Variants in MACF1 observed in about 807,000 individuals in gnomAD.
The protein encoded by MACF1 is microtubule-actin cross-linking factor 1.
A neutral mutation model predicts 854.8 loss-of-function variants in MACF1; 193 were observed. The observed-to-expected ratio is 0.23, with a 90% CI of 0.20 to 0.25. MACF1 has a LOEUF of 0.25. MACF1 is among the 10% of genes least tolerant of loss of function. MACF1 has a pLI of 1.00. For missense variants in MACF1, 7,722 were observed against 8,929.1 expected, an observed-to-expected ratio of 0.86 and a Z score of 5.45; for synonymous variants, 3,185 against 3,226.7, an observed-to-expected ratio of 0.99 and a Z score of 0.44.
rs1376957985 is a variant in MACF1, at chr1:39,260,960, T to A, written c.528+2932T>A. On this transcript the variant is annotated intron_variant, in intron 6 of 100. Coordinates refer to ENST00000564288, the MANE Select transcript of MACF1 (RefSeq NM_001394062.1). Reference sequence around the variant, plus strand: ...TAATATATATGAATCCAAGTGACAATATGAATGTTATTGTTAGCAGTATGA... The same window carrying A: ...TAATATATATGAATCCAAGTGACAAAATGAATGTTATTGTTAGCAGTATGA... Among the ~76,000 whole-genome samples the A allele has an allele frequency of 2.6e-5, 4 of 152,262 alleles. No homozygotes were observed. The East Asian group carries it at 7.7e-4, about 29-fold the overall frequency.
intron 60 of MACF1, 27 bp downstream of exon 60, chr1:39,422,927 C>T: frequency 7.5e-6 from 12 of 1,606,404 alleles, no homozygotes; most frequent in Non-Finnish European, 1.0e-5. Context: ...GGACAGTGAA[C>T]TGTAACAGCC....
At chr1:39,309,252 T>C (rs1190746198) in intron 23 of MACF1, among the ~76,000 whole-genome samples, 1 of 152,010 alleles carries the variant, frequency 6.6e-6, no homozygotes, top group Non-Finnish European at 1.5e-5. Context: ...AATTAATTAA[T>C]GTAGTTTAGT....
intron 2 of MACF1, among the ~76,000 whole-genome samples, chr1:39,192,869 A>G (rs1411322589): frequency 5.3e-5 from 8 of 152,322 alleles, no homozygotes; most frequent in African/African-American, 1.9e-4. Context: ...TCATGCCTGT[A>G]ACCCGAGGCG....
chr1:39,249,981 A>G (rs771106705), intron 2 of MACF1, 33 bp from the exon 3 acceptor site: 3 of 1,279,698 alleles, frequency 2.3e-6, no homozygotes, highest in Non-Finnish European at 3.4e-6. Context: ...TCAATATCAA[A>G]TAAAAATCTG....
At chr1:39,355,662 C>G (rs1364939472) in intron 44 of MACF1, among the ~76,000 whole-genome samples, 2 of 152,040 alleles carry the variant, frequency 1.3e-5, no homozygotes, top group African/African-American at 4.8e-5. Context: ...GACGGGGTTT[C>G]ACCATGTTGG....
chr1:39,320,869 C>T (rs1472600721), intron 31 of MACF1, among the ~76,000 whole-genome samples: 1 of 152,110 alleles, frequency 6.6e-6, no homozygotes, highest in African/African-American at 2.4e-5. Context: ...CCTCAAGAGG[C>T]TGAGGTAGGA....
intron 50 of MACF1, among the ~76,000 whole-genome samples, chr1:39,369,574 G>A (rs1649051222): frequency 6.6e-6 from 1 of 152,116 alleles, no homozygotes; most frequent in South Asian, 2.1e-4. Flanking sequence ...TTTATTCATT[G>A]GCATCATTAA....
Position 39,331,718 on chromosome 1 carries a change from G to A in MACF1, c.5130G>A (p.Leu1710=). The A allele has an allele frequency of 6.2e-7, 1 of 1,614,166 alleles. No individual in the cohort carries two copies. Among genetic ancestry groups the A allele is most frequent in the Admixed American group, 1.7e-5 (1 of 60,018 alleles). The part of the protein sequence containing the change: ...IDPNTAEKIG[L]LDLMQRCIVH... ...CTAACACAGCTGAGAAAATTGGTTT[G>A]CTGGATCTGATGCAGCGATGTATTG... The change falls in exon 37 of 101, where the codon TTG becomes TTA. Residue 1710 remains leucine (L), a synonymous_variant. Transcript: ENST00000564288.
intron 2 of MACF1, among the ~76,000 whole-genome samples, chr1:39,188,104 C>T (rs1047691071): frequency 6.6e-6 from 1 of 151,516 alleles, no homozygotes; most frequent in Non-Finnish European, 1.5e-5. Flanking sequence ...TAGAAGTTCT[C>T]TTAAAATGTC....
At chr1:39,445,943 T>C (rs1017471702) in intron 80 of MACF1, among the ~76,000 whole-genome samples, 2 of 152,068 alleles carry the variant, frequency 1.3e-5, no homozygotes, top group African/African-American at 2.4e-5. Context: ...CTGGGTGACA[T>C]CAATAACCTA....
chr1:39,334,665 A>C lies in MACF1; in HGVS notation c.8077A>C (p.Ile2693Leu). The stretch of plus-strand genomic sequence containing the variant: ...AGAAGCCCAGGCAAATACTGGTGGA[A>C]TCATAGATACTGCTACTGGAAAAAG... ...VLEAQANTGGIIDTATGKRLT... is the reference protein window; with the variant it reads ...VLEAQANTGGLIDTATGKRLT... The change falls in exon 37 of 101, where the codon ATC becomes CTC. Residue 2693 changes from isoleucine (I) to leucine (L), a missense_variant. This residue lies in a region of MACF1 where 1,531 missense variants were observed against 1,601.6 expected (regional missense o/e 0.96). Coordinates refer to ENST00000564288, the MANE Select transcript of MACF1 (RefSeq NM_001394062.1). 6.2e-7 allele frequency: 1 copy of C among 1,614,144 alleles called. No homozygotes were observed. Among genetic ancestry groups the C allele is most frequent in the Non-Finnish European group, 8.5e-7 (1 of 1,180,020 alleles).
chr1:39,410,031 T>G, intron 58 of MACF1: 1 of 421,348 alleles, frequency 2.4e-6, no homozygotes, highest in South Asian at 8.0e-5. Context: ...TTATTTTAAA[T>G]TATATCGTCT....
In MACF1 at chr1:39,336,518, C is replaced by T. The variant is rs769279319; in HGVS notation, c.9930C>T (p.Cys3310=). ...SEEKTVSLTV[C]SAVKTEKTPQ... ...AAAAGACAGTGTCCCTAACAGTATG[C>T]TCTGCAGTGAAGACAGAGAAGACAC... Residue 3310 remains cysteine (C), a synonymous_variant, in exon 37 of 101, where the codon TGC becomes TGT. Transcript: ENST00000564288. 6.2e-7 allele frequency: 1 copy of T among 1,614,210 alleles called. No individual in the cohort carries two copies. Among genetic ancestry groups the T allele is most frequent in the Middle Eastern group, 1.6e-4 (1 of 6,062 alleles).
Position 39,146,752 on chromosome 1 carries a change from A to G in MACF1, c.220+62314A>G, listed in dbSNP as rs549137579. Among the ~76,000 whole-genome samples, 4 of 152,316 alleles carry G rather than the reference A, an allele frequency of 2.6e-5. No individual in the cohort carries two copies. The East Asian group carries it at 7.7e-4, about 29-fold the overall frequency. On this transcript the variant is annotated intron_variant, in intron 2 of 93. Coordinates refer to the MACF1 transcript ENST00000361689. ...GGGGATGGTTAATGGATGCAAAAAA[A>G]TAAAAAGACTAAATAAAACCTAGTA...
chr1:39,220,479 G>GA (rs199676682), intron 1 of MACF1, among the ~76,000 whole-genome samples: 1 of 63,606 alleles, frequency 1.6e-5, no homozygotes, highest in Admixed American at 2.5e-4. Context: ...GGCCTTTAAT[G>GA]AATTTTTTTT....
chr1:39,123,172 C>A (rs1642760985), intron 2 of MACF1, among the ~76,000 whole-genome samples: 1 of 148,294 alleles, frequency 6.7e-6, no homozygotes, highest in Admixed American at 6.8e-5. Context: ...CCAGCAGCAT[C>A]TGATAGCTTG....
At chr1:39,437,584 T>G in intron 70 of MACF1, 193 bp from the exon 71 acceptor site, 1 of 569,022 alleles carries the variant, frequency 1.8e-6, no homozygotes, top group Non-Finnish European at 3.3e-6. Flanking sequence ...AGTGCTGGGA[T>G]TACAGGTGTG....
intron 57 of MACF1, among the ~76,000 whole-genome samples, chr1:39,386,437 CTT>C (rs10707907): frequency 5.8e-5 from 8 of 137,774 alleles, no homozygotes; most frequent in Admixed American, 7.2e-5. Flanking sequence ...ATTTTTTTTT[CTT>C]TTTTTTTTTT....
chr1:39,130,168 A>G (rs1293477729), intron 2 of MACF1, among the ~76,000 whole-genome samples: 1 of 152,038 alleles, frequency 6.6e-6, no homozygotes, highest in Non-Finnish European at 1.5e-5. Context: ...CCCCCCATTC[A>G]TGGGGAATTC....
Sources: allele counts gnomAD v4.1 joint callset (sites outside exome capture counted in the v4.1 genomes callset), GRCh38; gene constraint gnomAD v4.1.1; regional missense constraint gnomAD v4.1.1; transcripts MANE v1.5; gene names NCBI Gene and HGNC (gene_info 2026-07-23, HGNC 2026-07-21).